ROBO2: variants seen among roughly 807,000 people sequenced by gnomAD.
ROBO2 encodes roundabout homolog 2.
Under a neutral mutation model 160.8 loss-of-function variants are expected in ROBO2, and 53 were observed. The observed-to-expected ratio is 0.33, with a 90% CI of 0.26 to 0.41. The LOEUF (loss-of-function observed/expected upper bound fraction) is 0.41, where lower values mean the gene tolerates loss of function less well. ROBO2 is among the 10% of genes least tolerant of loss of function. The pLI is 1.00. For synonymous variants in ROBO2, 664 were observed against 611.7 expected (o/e 1.09, Z -1.26); for missense variants, 1,577 against 1,722.4 (o/e 0.92, Z 1.49).
intron 1 of ROBO2, among the ~76,000 whole-genome samples, chr3:75,926,535 T>G (rs1052448997): frequency 9.8e-5 from 15 of 152,340 alleles, no homozygotes; most frequent in South Asian, 4.1e-4. Context: ...CTAAGTCTTC[T>G]TTCTTTGTTA....
chr3:77,058,622 TC>T (rs2065986325), intron 1 of ROBO2, among the ~76,000 whole-genome samples: 1 of 152,166 alleles, frequency 6.6e-6, no homozygotes. Context: ...GGCCTTGACT[TC>T]CTGGGCTCAG....
At chr3:77,293,333 C>G (rs1244729702) in intron 2 of ROBO2, among the ~76,000 whole-genome samples, 1 of 148,928 alleles carries the variant, frequency 6.7e-6, no homozygotes, top group African/African-American at 2.5e-5. Context: ...GAGGCTAGAA[C>G]AGTAAAGACA....
intron 2 of ROBO2, among the ~76,000 whole-genome samples, chr3:76,892,043 G>T (rs944897294): frequency 6.7e-6 from 1 of 150,306 alleles, no homozygotes; most frequent in Non-Finnish European, 1.5e-5. Context: ...GGGAATGGAG[G>T]TGACAGGAAT....
chr3:76,603,757 GA>G (rs1486784687), intron 2 of ROBO2, among the ~76,000 whole-genome samples: 1 of 151,914 alleles, frequency 6.6e-6, no homozygotes, highest in Non-Finnish European at 1.5e-5. Flanking sequence ...GTCTAGAGAG[GA>G]ATAACAGTCT....
At chr3:75,939,058 CA>C (rs1947921334) in intron 2 of ROBO2, among the ~76,000 whole-genome samples, 2 of 152,002 alleles carry the variant, frequency 1.3e-5, no homozygotes, top group African/African-American at 4.8e-5. Flanking sequence ...TGCAGCATCA[CA>C]ACTGTTTCTC....
At chr3:76,839,653 T>C (rs1365852606) in intron 2 of ROBO2, among the ~76,000 whole-genome samples, 1 of 152,216 alleles carries the variant, frequency 6.6e-6, no homozygotes, top group Non-Finnish European at 1.5e-5. Flanking sequence ...TTTGTCTGGT[T>C]ATGGTATCAG....
intron 2 of ROBO2, among the ~76,000 whole-genome samples, chr3:76,128,719 A>T (rs1264217077): frequency 2.0e-5 from 3 of 152,100 alleles, no homozygotes; most frequent in African/African-American, 7.2e-5. Context: ...AATCCCAGCA[A>T]AACCTTCCTC....
chr3:76,418,616 C>T (rs1454324093), intron 2 of ROBO2, among the ~76,000 whole-genome samples: 4 of 149,418 alleles, frequency 2.7e-5, no homozygotes, highest in African/African-American at 4.9e-5. Context: ...TTGGAACTCC[C>T]GACCTACTTC....
intron 2 of ROBO2, among the ~76,000 whole-genome samples, chr3:75,966,744 C>T (rs1437813411): frequency 2.0e-5 from 3 of 151,676 alleles, no homozygotes; most frequent in Non-Finnish European, 3.0e-5. Context: ...ATTCTGATCT[C>T]TGTTGCCCTC....
At chr3:76,398,655 T>C (rs1276412116) in intron 2 of ROBO2, among the ~76,000 whole-genome samples, 1 of 151,702 alleles carries the variant, frequency 6.6e-6, no homozygotes, top group Non-Finnish European at 1.5e-5. Context: ...TTAGTATATT[T>C]TAAACTAAAT....
chr3:77,188,412 G>GA (rs2081482963), intron 2 of ROBO2, among the ~76,000 whole-genome samples: 1 of 151,702 alleles, frequency 6.6e-6, no homozygotes, highest in African/African-American at 2.4e-5. Flanking sequence ...CAGGATTATG[G>GA]AAAAAAATTC....
chr3:77,223,751 A>G (rs1365356713), intron 2 of ROBO2, among the ~76,000 whole-genome samples: 1 of 152,074 alleles, frequency 6.6e-6, no homozygotes, highest in African/African-American at 2.4e-5. Flanking sequence ...TTATGTGCAG[A>G]TTATATCAGA....
chr3:77,318,530 A>G (rs2064314140), intron 2 of ROBO2, among the ~76,000 whole-genome samples: 1 of 152,218 alleles, frequency 6.6e-6, no homozygotes, highest in Non-Finnish European at 1.5e-5. Flanking sequence ...AATATTATCA[A>G]ACCAGAATTA....
intron 2 of ROBO2, among the ~76,000 whole-genome samples, chr3:77,388,447 T>A (rs2074364177): frequency 6.6e-6 from 1 of 152,148 alleles, no homozygotes; most frequent in African/African-American, 2.4e-5. Context: ...TGAAAAACTA[T>A]GTTGGGATCT....
intron 2 of ROBO2, among the ~76,000 whole-genome samples, chr3:76,880,455 G>T (rs896691825): frequency 5.9e-5 from 9 of 152,206 alleles, no homozygotes; most frequent in African/African-American, 2.2e-4. Flanking sequence ...GTATAAAAAA[G>T]CATGCTGTCC....
At chr3:77,283,515 C>T (rs930459898) in intron 2 of ROBO2, among the ~76,000 whole-genome samples, 1 of 152,126 alleles carries the variant, frequency 6.6e-6, no homozygotes, top group Non-Finnish European at 1.5e-5. Context: ...ACATTTTTAT[C>T]TCTAAAATAA....
chr3:77,617,702 G>T, exon 22 of ROBO2: 1 of 1,614,050 alleles, frequency 6.2e-7, no homozygotes. Context: ...GGGAAGAGAT[G>T]CAACCCATGC....
intron 2 of ROBO2, among the ~76,000 whole-genome samples, chr3:76,150,394 A>ACACACGTCTGTCTAAAG (rs2072135752): frequency 6.7e-6 from 1 of 148,208 alleles, no homozygotes. Context: ...CCTTTTTAAA[A>ACACACGTCTGTCTAAAG]CACACATCTG....
intron 2 of ROBO2, among the ~76,000 whole-genome samples, chr3:77,236,687 A>G (rs1272542446): frequency 6.6e-6 from 1 of 152,162 alleles, no homozygotes; most frequent in Non-Finnish European, 1.5e-5. Context: ...TCTGTTCTCC[A>G]TCTATTATCC....
Sources: allele counts gnomAD v4.1 joint callset (sites outside exome capture counted in the v4.1 genomes callset), GRCh38; gene constraint gnomAD v4.1.1; transcripts MANE v1.5; gene names NCBI Gene and HGNC (gene_info 2026-07-23, HGNC 2026-07-21).